The following ZNF250 variants were observed in gnomAD, a reference collection of about 807,000 sequenced individuals.
ZNF250 encodes the protein zinc finger protein (clone 647).
In ZNF250, 13 loss-of-function variants were observed where a neutral mutation model predicts 37.1. The ratio of observed to expected loss-of-function variants is 0.35; its 90% CI spans 0.23 to 0.56. The LOEUF is 0.56. Among genes scored for constraint, ZNF250 ranks in the 20% least tolerant of loss-of-function variants. The pLI, the probability that ZNF250 is intolerant of heterozygous loss-of-function variation, is 0.87. For missense variants in ZNF250, 474 were observed against 697.9 expected, an observed-to-expected ratio of 0.68 and a Z score of 3.61; for synonymous variants, 251 against 265.6, an observed-to-expected ratio of 0.94 and a Z score of 0.54.
rs553162578 is a variant in ZNF250 at position 144,877,238 on chromosome 8, C to T, written c.*4277G>A. 3.3e-5 allele frequency: 5 copies of T among 152,304 alleles called. No homozygotes were observed. The highest frequency in any genetic ancestry group is 1.2e-4 in the African/African-American group (5 of 41,542). The allele number at this position is 152,304 out of a possible 1,614,324, so 9.4% of individuals were successfully genotyped here. A position where few individuals can be genotyped will look rare whatever the true frequency, so the allele number is the denominator to read the frequency against. The stretch of plus-strand genomic sequence containing the variant: ...CGTATCTGGGACTACAGGCGCAAGC[C>T]ACAACACCCAGCTAATTTTTTTTTT... On this transcript the variant is annotated 3_prime_UTR_variant, in exon 6 of 6. Transcript: ENST00000417550.
At chr8:144,883,204 G>T (rs971021949) in intron 5 of ZNF250, among the ~76,000 whole-genome samples, 7 of 152,212 alleles carry the variant, frequency 4.6e-5, no homozygotes, top group Non-Finnish European at 1.0e-4. Flanking sequence ...GTGCCTTGTG[G>T]GGCAGACAGC....
chr8:144,889,867 C>T (rs1832188998), intron 3 of ZNF250, 66 bp downstream of exon 3: 3 of 1,535,994 alleles, frequency 2.0e-6, no homozygotes, highest in South Asian at 2.5e-5. Flanking sequence ...AGGCCCCGTA[C>T]CCTGAGAAGC....
intron 1 of ZNF250, among the ~76,000 whole-genome samples, chr8:144,899,884 TA>T (rs1416808496): frequency 6.6e-6 from 1 of 152,324 alleles, no homozygotes; most frequent in African/African-American, 2.4e-5. Flanking sequence ...GAGTTTATTT[TA>T]AAAATAATCT....
chr8:144,889,660 C>G lies in ZNF250; in HGVS notation c.204G>C (p.Gln68His), dbSNP rs775960287. 20 of 1,613,858 alleles carry G rather than the reference C, an allele frequency of 1.2e-5. No homozygotes were observed. In the Middle Eastern group the frequency reaches 4.9e-4, roughly 40 times the overall value. The change falls in exon 4 of 6, where the codon CAG (glutamine) becomes CAC (histidine). Residue 68 changes from glutamine (Q) to histidine (H), a missense_variant. Physicochemically the swap from Gln to His is conservative, Grantham distance 24. Around this residue, in one of 2 missense-constraint regions of ZNF250, gnomAD observed 192 missense variants for 227.5 expected, o/e 0.84. Coordinates refer to ENST00000417550, the MANE Select transcript of ZNF250 (RefSeq NM_001109689.4). ...CCCAGGGATCTTCCCCTCGCTCCAG[C>G]TGGGAGATTATGTCAGGCTTGGATC... ...LPGSKPDIIS[Q>H]LERGEDPWVL...
chr8:144,890,101 T>A lies in ZNF250; in HGVS notation c.43-42A>T. The A allele has an allele frequency of 6.3e-7, 1 of 1,599,380 alleles. No homozygotes were observed. Among genetic ancestry groups the A allele is most frequent in the South Asian group, 1.1e-5 (1 of 88,858 alleles). On this transcript the variant is annotated intron_variant, in intron 2 of 5. Coordinates refer to ENST00000417550, the MANE Select transcript of ZNF250 (RefSeq NM_001109689.4). This position sits in a 1 kb window ranked among gnomAD's most constrained non-coding sequence, Gnocchi z 5.1. ...TGCTGCAGGTAAAACCAAATCCTGA[T>A]GTCTGTGATGGGGAGTGGGTGCATG...
chr8:144,891,765 T>C lies in ZNF250; in HGVS notation c.-54-1362A>G, dbSNP rs1184165973. Among the ~76,000 whole-genome samples, 4 of 152,148 alleles carry C rather than the reference T, an allele frequency of 2.6e-5. No individual in the cohort carries two copies. The highest frequency in any genetic ancestry group is 4.4e-5 in the Non-Finnish European group (3 of 68,028). The stretch of plus-strand genomic sequence containing the variant: ...TACTCAGGAGGCTGAGGCAAGAGAA[T>C]TGCTTGAACTCAGGAGGTGGAGGAT... On this transcript the variant is annotated intron_variant, in intron 1 of 5. Coordinates refer to ENST00000417550, the MANE Select transcript of ZNF250 (RefSeq NM_001109689.4). The surrounding 1 kb of genome is among the most constrained non-coding windows in gnomAD (Gnocchi z 4.0).
intron 1 of ZNF250, among the ~76,000 whole-genome samples, chr8:144,893,171 A>G (rs1832471870): frequency 6.6e-6 from 1 of 151,994 alleles, no homozygotes; most frequent in African/African-American, 2.4e-5. Flanking sequence ...CCCAACAATA[A>G]CCAATTTTGG....
Position 144,880,275 on chromosome 8 carries a change from A to G in ZNF250, c.*1240T>C, listed in dbSNP as rs1003891847. Reference sequence around the variant, plus strand: ...AGTAAAAAAGAGCTATCTGAATTTGAGAAATGTATGTTTTAAATATATCTA... The same window carrying G: ...AGTAAAAAAGAGCTATCTGAATTTGGGAAATGTATGTTTTAAATATATCTA... On this transcript the variant is annotated 3_prime_UTR_variant, in exon 6 of 6. Transcript: ENST00000417550. 6.4e-6 allele frequency: 2 copies of G among 313,148 alleles called. No homozygotes were observed. Among genetic ancestry groups the G allele is most frequent in the Middle Eastern group, 4.0e-4 (1 of 2,508 alleles). 19.4% of individuals were successfully genotyped at this position (313,148 alleles called of 1,614,324 possible).
chr8:144,888,185 T>C (rs1832032502), intron 4 of ZNF250, among the ~76,000 whole-genome samples: 1 of 152,244 alleles, frequency 6.6e-6, no homozygotes, highest in East Asian at 1.9e-4. Flanking sequence ...ATTTTCTCCA[T>C]CTAAAGGTCT....
Position 144,890,315 on chromosome 8 carries a change from C to A in ZNF250, c.35G>T (p.Gly12Val). ...AAARLLPVPA[G>V]PQAKLTFEDV... ...GCACTGGGGACAGCTTACCTGGGGT[C>A]CTGCCGGCACTGGCAGGAGTCTGGC... is the stretch of plus-strand genomic sequence containing the variant. The change falls in exon 2 of 6, where the codon GGA becomes GTA. Residue 12 changes from glycine (G) to valine (V), a missense_variant. This residue lies in a region of ZNF250 where 192 missense variants were observed against 227.5 expected (regional missense o/e 0.84). Transcript: ENST00000417550. The surrounding 1 kb of genome is among the most constrained non-coding windows in gnomAD (Gnocchi z 5.1). 1 of 1,516,490 alleles carries A rather than the reference C, an allele frequency of 6.6e-7. No individual in the cohort carries two copies. The highest frequency in any genetic ancestry group is 8.9e-7 in the Non-Finnish European group (1 of 1,129,682). The allele number at this position is 1,516,490 out of a possible 1,614,324, so 93.9% of individuals were successfully genotyped here. A position where few individuals can be genotyped will look rare whatever the true frequency, so the allele number is the denominator to read the frequency against.
chr8:144,894,055 G>T (rs1832539299), intron 1 of ZNF250, among the ~76,000 whole-genome samples: 1 of 151,880 alleles, frequency 6.6e-6, no homozygotes, highest in Non-Finnish European at 1.5e-5. Flanking sequence ...TTTCAATATG[G>T]GTGTCTCATA....
chr8:144,902,162 C>T (rs1833140904), upstream of ZNF250: 1 of 152,318 alleles, frequency 6.6e-6, no homozygotes, highest in Non-Finnish European at 1.5e-5. Context: ...CCGTCGCCCA[C>T]TCGGCCCTGG....
At position 144,880,806 on chromosome 8, in the gene ZNF250, T is replaced by G. The variant is rs779869601; in HGVS notation, c.*709A>C. ...TTGAACCTGGGGTGGGGGCGGAGAC[T>G]GCAGTGAGCCAAGATCATGCCACTG... On this transcript the variant is annotated 3_prime_UTR_variant, in exon 6 of 6. Transcript: ENST00000417550. 6 of 268,002 alleles carry G rather than the reference T, an allele frequency of 2.2e-5. No individual in the cohort carries two copies. Among genetic ancestry groups the G allele is most frequent in the Non-Finnish European group, 3.8e-5 (5 of 131,192 alleles). 16.6% of individuals were successfully genotyped at this position (268,002 alleles called of 1,614,324 possible). A position where few individuals can be genotyped will look rare whatever the true frequency, so the allele number is the denominator to read the frequency against.
Position 144,882,203 on chromosome 8 carries a change from A to G in ZNF250, c.980T>C (p.Val327Ala). The G allele has an allele frequency of 6.2e-7, 1 of 1,614,034 alleles. No individual in the cohort carries two copies. The highest frequency in any genetic ancestry group is 8.5e-7 in the Non-Finnish European group (1 of 1,180,002). ...HSTVLRSHQRVHTGEKPHRCN... is the reference protein window; with the variant it reads ...HSTVLRSHQRAHTGEKPHRCN... Reference sequence around the variant, plus strand: ...CCTGTGAGGCTTCTCCCCAGTGTGTACCCTCTGGTGGCTCCGCAGAACAGT... The same window carrying G: ...CCTGTGAGGCTTCTCCCCAGTGTGTGCCCTCTGGTGGCTCCGCAGAACAGT... Residue 327 changes from valine (V) to alanine (A), a missense_variant, in exon 6 of 6, where the codon GTA (valine) becomes GCA (alanine). Physicochemically the swap from Val to Ala is moderately conservative, Grantham distance 64. Transcript: ENST00000417550. The surrounding 1 kb of genome is among the most constrained non-coding windows in gnomAD (Gnocchi z 5.5).
At chr8:144,896,777 G>A (rs965446625) in intron 1 of ZNF250, among the ~76,000 whole-genome samples, 8 of 152,082 alleles carry the variant, frequency 5.3e-5, no homozygotes, top group Admixed American at 1.3e-4. Context: ...GGAGATCACC[G>A]CCACAGAATA....
At chr8:144,900,946 C>T (rs545308489) in intron 1 of ZNF250, among the ~76,000 whole-genome samples, 302 of 152,332 alleles carry the variant, frequency 2.0e-3, no homozygotes, top group Non-Finnish European at 3.5e-3. Flanking sequence ...GCAAGAAGAG[C>T]GGCCCGGGGG....
At chr8:144,889,729 C>G (rs1832177245) in intron 3 of ZNF250, 35 bp from the exon 4 acceptor site, 1 of 1,594,278 alleles carries the variant, frequency 6.3e-7, no homozygotes, top group Admixed American at 1.7e-5. Context: ...GTTTACACAA[C>G]ATTTACAGAG....
At chr8:144,893,606 C>T (rs1247176857) in intron 1 of ZNF250, among the ~76,000 whole-genome samples, 1 of 152,196 alleles carries the variant, frequency 6.6e-6, no homozygotes, top group Non-Finnish European at 1.5e-5. Context: ...GCTGGAATTA[C>T]AGGCTTGAGT....
chr8:144,895,939 A>G (rs28588732), intron 1 of ZNF250, among the ~76,000 whole-genome samples: 3,900 of 150,748 alleles, frequency 0.026, 217 homozygotes, highest in East Asian at 0.22. Context: ...AACCTGGGAG[A>G]CAGAGGTTGC....
Sources: gnomAD v4.1 joint callset for allele counts (sites outside exome capture counted in the v4.1 genomes callset) on GRCh38, gnomAD v4.1.1 for gene constraint, gnomAD v4.1.1 regional missense constraint, Gnocchi (gnomAD v3.1) non-coding constraint, MANE v1.5 for transcripts, NCBI Gene and HGNC (gene_info 2026-07-23, HGNC 2026-07-21) for gene names.